ACIN1: variants seen among roughly 807,000 people sequenced by gnomAD.
ACIN1 encodes apoptotic chromatin condensation inducer 1.
ACIN1 carries 16 observed loss-of-function variants against 146.6 expected under a neutral mutation model. The ratio of observed to expected loss-of-function variants is 0.11; its 90% CI spans 0.07 to 0.17. The LOEUF (loss-of-function observed/expected upper bound fraction) is 0.17, where lower values mean the gene tolerates loss of function less well. ACIN1 is among the 10% of genes least tolerant of loss of function. The pLI is 1.00. For synonymous variants in ACIN1, 569 were observed against 582.7 expected (o/e 0.98, Z 0.34); for missense variants, 1,357 against 1,609.3 (o/e 0.84, Z 2.68).
In ACIN1 at chr14:23,067,855, G is replaced by A; in HGVS notation, c.2265+1621C>T. The A allele has an allele frequency of 2.0e-6, 2 of 985,870 alleles. No homozygotes were observed. The highest frequency in any genetic ancestry group is 2.4e-6 in the Non-Finnish European group (2 of 829,958). The allele number at this position is 985,870 out of a possible 1,614,324, so 61.1% of individuals were successfully genotyped here. A position where few individuals can be genotyped will look rare whatever the true frequency, so the allele number is the denominator to read the frequency against. ...CGAGTGGGATCATGGAGCCTCTGAT[G>A]AAGGTAGCCTGGGGGTAGGTGAATA... On this transcript the variant is annotated intron_variant, in intron 9 of 18. Coordinates refer to ENST00000605057, the MANE Select transcript of ACIN1 (RefSeq NM_001386863.1). The surrounding 1 kb of genome is among the most constrained non-coding windows in gnomAD (Gnocchi z 4.6).
chr14:23,078,520 T>C (rs2047858310), intron 7 of ACIN1, among the ~76,000 whole-genome samples: 1 of 152,240 alleles, frequency 6.6e-6, no homozygotes, highest in African/African-American at 2.4e-5. Flanking sequence ...GTGATCCTTG[T>C]TCTGACAGAA....
At chr14:23,071,706 G>T in intron 8 of ACIN1, 1 of 754,346 alleles carries the variant, frequency 1.3e-6, no homozygotes, top group Non-Finnish European at 2.0e-6. Flanking sequence ...CAGAGGCCTG[G>T]CCTTCTTTTC....
intron 4 of ACIN1, among the ~76,000 whole-genome samples, chr14:23,086,427 A>G (rs535375924): frequency 2.6e-5 from 4 of 152,382 alleles, no homozygotes; most frequent in East Asian, 1.9e-4. Flanking sequence ...CAGACAATTT[A>G]TGACTATGGT....
Position 23,094,874 on chromosome 14 carries a change from C to A in ACIN1, c.138+101G>T. 3.4e-6 allele frequency: 5 copies of A among 1,458,190 alleles called. No homozygotes were observed. The Admixed American group carries it at 9.3e-5, about 27-fold the overall frequency. 90.3% of individuals were successfully genotyped at this position (1,458,190 alleles called of 1,614,324 possible). ...CAGAGGCTCGCGCTGGCGGCCTGAGCGAGCTCGCGCCGAGCCCGGATACTG... is the reference window on the plus strand; with the variant it reads ...CAGAGGCTCGCGCTGGCGGCCTGAGAGAGCTCGCGCCGAGCCCGGATACTG... On this transcript the variant is annotated intron_variant, in intron 1 of 18. Transcript: ENST00000605057.
At chr14:23,092,566 TC>T (rs2048256541) in intron 2 of ACIN1, among the ~76,000 whole-genome samples, 1 of 152,248 alleles carries the variant, frequency 6.6e-6, no homozygotes, top group African/African-American at 2.4e-5. Context: ...TCTCTTGTTT[TC>T]CACAGTATCC....
At chr14:23,064,902 A>AAAAAAAAG (rs1281883900) in intron 10 of ACIN1, among the ~76,000 whole-genome samples, 2 of 151,858 alleles carry the variant, frequency 1.3e-5, no homozygotes, top group Admixed American at 1.3e-4. Flanking sequence ...GTCTCAAAAA[A>AAAAAAAAG]AAAAAAAGAA....
upstream of ACIN1, chr14:23,095,244 CCCGG>C: frequency 6.2e-7 from 1 of 1,609,006 alleles, no homozygotes; most frequent in Middle Eastern, 1.7e-4. Flanking sequence ...CTCAGAACTC[CCCGG>C]GTTCCTCCGG....
Position 23,069,518 on chromosome 14 carries a change from A to G in ACIN1, c.2223T>C (p.Asp741=), listed in dbSNP as rs767964991. 6.2e-7 allele frequency: 1 copy of G among 1,614,080 alleles called. No individual in the cohort carries two copies. ...CTTCAACACTGCCCTCCGGGCGGTC[A>G]TCATTGCTGACTTGGTCTGCAATAG... ...PMPIADQVSN[D]DRPEGSVEDE... The change falls in exon 9 of 19, where the codon GAT becomes GAC. Residue 741 remains aspartate (D), a synonymous_variant. Transcript: ENST00000605057.
chr14:23,075,779 A>G (rs2047786254), intron 8 of ACIN1, among the ~76,000 whole-genome samples: 1 of 151,368 alleles, frequency 6.6e-6, no homozygotes, highest in Admixed American at 6.6e-5. Flanking sequence ...ATCTCAGCTC[A>G]CCGCACCTTC....
Position 23,067,667 on chromosome 14 carries a change from G to C in ACIN1, c.2266-1659C>G. 1.0e-6 allele frequency: 1 copy of C among 985,942 alleles called. No homozygotes were observed. The highest frequency in any genetic ancestry group is 1.2e-6 in the Non-Finnish European group (1 of 829,988). The allele number at this position is 985,942 out of a possible 1,614,324, so 61.1% of individuals were successfully genotyped here. On this transcript the variant is annotated intron_variant, in intron 9 of 18. Coordinates refer to ENST00000605057, the MANE Select transcript of ACIN1 (RefSeq NM_001386863.1). This position sits in a 1 kb window ranked among gnomAD's most constrained non-coding sequence, Gnocchi z 4.6. ...TGCAGTCCCTGATGAGATGGCCTGT[G>C]AGTAGCAGGAATGATCCTTGCCTTT...
intron 2 of ACIN1, among the ~76,000 whole-genome samples, chr14:23,091,757 G>A (rs552360124): frequency 6.6e-6 from 1 of 151,904 alleles, no homozygotes; most frequent in Non-Finnish European, 1.5e-5. Context: ...CTGAGTAGCT[G>A]GGATTACAGA....
At position 23,079,583 on chromosome 14, in the gene ACIN1, A is replaced by C; in HGVS notation, c.1752T>G (p.Arg584=). The C allele has an allele frequency of 6.2e-7, 1 of 1,613,828 alleles. No individual in the cohort carries two copies. Among genetic ancestry groups the C allele is most frequent in the South Asian group, 1.1e-5 (1 of 91,048 alleles). ...TGCTTGATGCTGAACGAGAACGTGA[A>C]CGTGACCTTGATCTGGACTCTGATG... ...RSTSESRSRS[R]SRSRSASSNS... Residue 584 remains arginine (R), a synonymous_variant, in exon 6 of 19, where the codon CGT becomes CGG. Transcript: ENST00000605057.
intron 1 of ACIN1, among the ~76,000 whole-genome samples, chr14:23,094,080 A>C (rs2048300364): frequency 6.8e-6 from 1 of 146,416 alleles, no homozygotes; most frequent in African/African-American, 2.4e-5. Flanking sequence ...CAGACCCTGT[A>C]AACTGTGGTC....
chr14:23,071,323 T>A, intron 8 of ACIN1: 3 of 1,509,908 alleles, frequency 2.0e-6, no homozygotes, highest in Non-Finnish European at 2.7e-6. Flanking sequence ...AATTGAGATG[T>A]AGCAACCGGG....
At chr14:23,063,270 G>C in intron 13 of ACIN1, 166 bp downstream of exon 13, 1 of 1,134,830 alleles carries the variant, frequency 8.8e-7, no homozygotes, top group South Asian at 1.6e-5. Flanking sequence ...ATTAAACAGA[G>C]TCAAATCTGG....
rs761174298 is a variant in ACIN1, at chr14:23,080,322, C to T, written c.1013G>A (p.Arg338Gln). Reference protein sequence around the residue: ...SPSPPRLTEDRKKASLVALPE... With the variant: ...SPSPPRLTEDQKKASLVALPE... ...CAGCGCTACAAGTGAGGCCTTCTTT[C>T]GATCTTCAGTCAGTCGAGGAGGGGA... Residue 338 changes from arginine (R) to glutamine (Q), a missense_variant, in exon 6 of 19, where the codon CGA becomes CAA. This residue lies in a region of ACIN1 where 771 missense variants were observed against 746.6 expected (regional missense o/e 1.03). Transcript: ENST00000605057. 11 of 1,614,020 alleles carry T rather than the reference C, an allele frequency of 6.8e-6. No homozygotes were observed. Among genetic ancestry groups the T allele is most frequent in the African/African-American group, 2.7e-5 (2 of 74,890 alleles).
chr14:23,064,415 T>A lies in ACIN1; in HGVS notation c.2382A>T (p.Gly794=), dbSNP rs772241048. The A allele has an allele frequency of 6.2e-7, 1 of 1,614,138 alleles. No individual in the cohort carries two copies. Among genetic ancestry groups the A allele is most frequent in the African/African-American group, 1.3e-5 (1 of 74,948 alleles). Residue 794 remains glycine (G), a synonymous_variant, in exon 11 of 19, where the codon GGA becomes GGT. Coordinates refer to ENST00000605057, the MANE Select transcript of ACIN1 (RefSeq NM_001386863.1). ...GGQPGRKRRW[G]ASTATTQKKP... ...TCTTCTGTGTGGTGGCTGTGCTGGC[T>A]CCCCAGCGTCGTTTCCGACCAGGCT...
rs2047183069 is a variant in ACIN1, at chr14:23,059,078, G to A, written c.*70C>T. ...TTGGCTCCAGGGTGGTGGAGACTGT[G>A]CCTATCCCTCTGTGGCCATAACCCC... On this transcript the variant is annotated 3_prime_UTR_variant, in exon 19 of 19. Transcript: ENST00000605057. The A allele has an allele frequency of 6.8e-7, 1 of 1,460,152 alleles. No individual in the cohort carries two copies. The highest frequency in any genetic ancestry group is 2.1e-4 in the Middle Eastern group (1 of 4,828). 90.4% of individuals were successfully genotyped at this position (1,460,152 alleles called of 1,614,324 possible).
intron 8 of ACIN1, among the ~76,000 whole-genome samples, chr14:23,072,232 C>A (rs55833875): frequency 0.13 from 19,914 of 152,138 alleles, 1,460 homozygotes; most frequent in South Asian, 0.2. Context: ...AGAAGGGGGG[C>A]AGGGTTGGTG....
Sources: allele counts gnomAD v4.1 joint callset (sites outside exome capture counted in the v4.1 genomes callset), GRCh38; gene constraint gnomAD v4.1.1; regional missense constraint gnomAD v4.1.1; non-coding constraint Gnocchi (gnomAD v3.1); transcripts MANE v1.5; gene names NCBI Gene and HGNC (gene_info 2026-07-23, HGNC 2026-07-21).